Variants in OIT3 observed in about 807,000 individuals in gnomAD.
OIT3 encodes oncoprotein induced transcript 3, also known as oncoprotein-induced transcript 3 protein.
Under a neutral mutation model 52.2 loss-of-function variants are expected in OIT3, and 41 were observed. The observed-to-expected ratio is 0.79, with a 90% CI of 0.61 to 1.02. The LOEUF (loss-of-function observed/expected upper bound fraction) is 1.02, where lower values mean the gene tolerates loss of function less well. Ranked by LOEUF, OIT3 falls within the 50% of genes least tolerant of loss-of-function variation. The pLI is 0.00. For missense variants in OIT3, 634 were observed against 715.5 expected (o/e 0.89, Z 1.30); for synonymous variants, 244 against 276.9 (o/e 0.88, Z 1.18).
chr10:72,927,913 C>A (rs187474738), intron 7 of OIT3, among the ~76,000 whole-genome samples: 3 of 152,084 alleles, frequency 2.0e-5, no homozygotes, highest in African/African-American at 7.2e-5. Flanking sequence ...CTAAAAAATC[C>A]TTTTTCCTTT....
chr10:72,914,960 G>A (rs1253268671), intron 6 of OIT3, among the ~76,000 whole-genome samples: 2 of 152,144 alleles, frequency 1.3e-5, no homozygotes, highest in African/African-American at 2.4e-5. Context: ...CTGCCTCCCA[G>A]GTTCAAGCGA....
chr10:72,897,243 C>T (rs1435654153), intron 1 of OIT3, among the ~76,000 whole-genome samples: 3 of 152,054 alleles, frequency 2.0e-5, no homozygotes, highest in Admixed American at 6.6e-5. Context: ...AGGCTGGTCT[C>T]GAACTCCTGA....
chr10:72,917,724 G>A, intron 6 of OIT3: 3 of 1,067,036 alleles, frequency 2.8e-6, no homozygotes, highest in Non-Finnish European at 1.4e-6. Flanking sequence ...GATGAACTTG[G>A]CTGCCACTTT....
intron 2 of OIT3, among the ~76,000 whole-genome samples, chr10:72,899,710 TAGATA>T (rs1845912282): frequency 2.2e-3 from 159 of 71,096 alleles, no homozygotes; most frequent in African/African-American, 8.7e-3. Flanking sequence ...AGATGATAGA[TAGATA>T]GATAGATAGA....
At chr10:72,930,194 C>A (rs1165791452) in intron 7 of OIT3, among the ~76,000 whole-genome samples, 2 of 152,146 alleles carry the variant, frequency 1.3e-5, no homozygotes, top group Non-Finnish European at 1.5e-5. Flanking sequence ...AGAATTCCTG[C>A]AATATATTGC....
intron 2 of OIT3, among the ~76,000 whole-genome samples, chr10:72,899,876 GTTA>G (rs1164099038): frequency 6.6e-6 from 1 of 152,098 alleles, no homozygotes; most frequent in Non-Finnish European, 1.5e-5. Context: ...TAATTTCTGT[GTTA>G]TTAATCCTGT....
intron 3 of OIT3, among the ~76,000 whole-genome samples, chr10:72,904,979 G>A (rs540662965): frequency 1.8e-4 from 27 of 152,326 alleles, no homozygotes; most frequent in Non-Finnish European, 3.5e-4. Context: ...GTGCTGGCAT[G>A]TGCAGAGATC....
At chr10:72,913,828 A>G in intron 6 of OIT3, 2 of 370,340 alleles carry the variant, frequency 5.4e-6, no homozygotes, top group South Asian at 4.3e-5. Flanking sequence ...TTTGTGGTGC[A>G]GTGAATGAGT....
intron 6 of OIT3, chr10:72,918,493 G>A: frequency 7.3e-7 from 1 of 1,373,814 alleles, no homozygotes; most frequent in Non-Finnish European, 1.0e-6. Flanking sequence ...GATAGTTCTG[G>A]GGCCTCAGGA....
At chr10:72,925,200 T>C (rs1377435818) in intron 7 of OIT3, among the ~76,000 whole-genome samples, 1 of 150,666 alleles carries the variant, frequency 6.6e-6, no homozygotes, top group Non-Finnish European at 1.5e-5. Flanking sequence ...AAGATGTATA[T>C]AGAAAAGCAG....
intron 6 of OIT3, among the ~76,000 whole-genome samples, chr10:72,914,075 GGAT>G (rs1306000865): frequency 6.6e-5 from 10 of 152,310 alleles, no homozygotes; most frequent in Non-Finnish European, 1.0e-4. Flanking sequence ...AGTGGGACTT[GGAT>G]CCAGGTGGAA....
chr10:72,896,253 C>G (rs1276651711), intron 1 of OIT3, among the ~76,000 whole-genome samples: 2 of 152,122 alleles, frequency 1.3e-5, no homozygotes, highest in Non-Finnish European at 1.5e-5. Context: ...CTAACCATTT[C>G]TTATAAAATT....
At chr10:72,899,107 A>G (rs1051977641) in intron 2 of OIT3, 69 bp downstream of exon 2, 8 of 1,425,672 alleles carry the variant, frequency 5.6e-6, no homozygotes, top group Admixed American at 4.2e-5. Flanking sequence ...AGTGCCAATT[A>G]TAGGATATGC....
chr10:72,926,841 C>CT (rs1220908130), intron 7 of OIT3, among the ~76,000 whole-genome samples: 2 of 151,888 alleles, frequency 1.3e-5, no homozygotes, highest in Admixed American at 6.6e-5. Flanking sequence ...TTCCTTTTTA[C>CT]TTTTTTTAAA....
At chr10:72,917,702 C>T in intron 6 of OIT3, 1 of 964,436 alleles carries the variant, frequency 1.0e-6, no homozygotes, top group Non-Finnish European at 1.7e-6. Context: ...GGAAGCAATT[C>T]TTCACATAAC....
At chr10:72,926,214 C>T (rs532941536) in intron 7 of OIT3, among the ~76,000 whole-genome samples, 41 of 152,338 alleles carry the variant, frequency 2.7e-4, no homozygotes, top group Non-Finnish European at 5.4e-4. Flanking sequence ...GGCCTGCAGG[C>T]TCTTGGACAT....
intron 7 of OIT3, among the ~76,000 whole-genome samples, chr10:72,927,433 C>T (rs550253021): frequency 6.6e-6 from 1 of 152,304 alleles, no homozygotes; most frequent in African/African-American, 2.4e-5. Context: ...AGCCACCACG[C>T]CCAACCATAT....
intron 6 of OIT3, among the ~76,000 whole-genome samples, chr10:72,923,032 C>T (rs1333099459): frequency 6.6e-6 from 1 of 152,156 alleles, no homozygotes; most frequent in Admixed American, 6.6e-5. Flanking sequence ...CCTGCCATGA[C>T]ACTTGGCTAA....
At chr10:72,910,311 C>T (rs1263491624) in intron 4 of OIT3, among the ~76,000 whole-genome samples, 1 of 152,052 alleles carries the variant, frequency 6.6e-6, no homozygotes, top group Non-Finnish European at 1.5e-5. Flanking sequence ...TATATATAAT[C>T]TTCAGCCATT....
Sources: gnomAD v4.1 joint callset for allele counts (sites outside exome capture counted in the v4.1 genomes callset) on GRCh38, gnomAD v4.1.1 for gene constraint, MANE v1.5 for transcripts, NCBI Gene and HGNC (gene_info 2026-07-23, HGNC 2026-07-21) for gene names.